Variants in ACSS3 observed in about 807,000 individuals in gnomAD.
The protein encoded by ACSS3 is acyl-CoA synthetase short-chain family member 3, mitochondrial.
ACSS3 carries 64 observed loss-of-function variants against 84.2 expected under a neutral mutation model. The ratio of observed to expected loss-of-function variants is 0.76; its 90% CI spans 0.62 to 0.94. The LOEUF is 0.94. ACSS3 is among the 40% of genes least tolerant of loss of function. The pLI is 0.00. For synonymous variants in ACSS3, 317 were observed against 310.1 expected, an observed-to-expected ratio of 1.02 and a Z score of -0.23; for missense variants, 815 against 867.6, an observed-to-expected ratio of 0.94 and a Z score of 0.76.
chr12:81,236,801 G>A (rs1418362099), intron 13 of ACSS3, among the ~76,000 whole-genome samples: 4 of 150,964 alleles, frequency 2.6e-5, no homozygotes, highest in Admixed American at 2.0e-4. Flanking sequence ...CATACCAAGA[G>A]TTTTTGCACA....
chr12:81,093,352 C>G (rs866700167), intron 1 of ACSS3, among the ~76,000 whole-genome samples: 4 of 151,760 alleles, frequency 2.6e-5, no homozygotes, highest in African/African-American at 9.7e-5. Context: ...ACTCAGGAGG[C>G]TGAGGCAGGA....
At chr12:81,167,081 A>G (rs775044223) in intron 7 of ACSS3, among the ~76,000 whole-genome samples, 28 of 152,380 alleles carry the variant, frequency 1.8e-4, no homozygotes, top group Non-Finnish European at 5.9e-5. Flanking sequence ...CTCTGTGACT[A>G]CTGAGAATGT....
At chr12:81,213,937 CT>C (rs2032773671) in intron 9 of ACSS3, among the ~76,000 whole-genome samples, 3 of 93,340 alleles carry the variant, frequency 3.2e-5, no homozygotes, top group Non-Finnish European at 6.7e-5. Context: ...TCCTTCCTTT[CT>C]CTCTCTCTCT....
intron 8 of ACSS3, among the ~76,000 whole-genome samples, chr12:81,175,686 T>G (rs1467666366): frequency 6.6e-6 from 1 of 152,092 alleles, no homozygotes; most frequent in East Asian, 1.9e-4. Context: ...AAATAGAGAT[T>G]AATATCAAGA....
Position 81,151,987 on chromosome 12 carries a change from A to G in ACSS3, c.1003-14A>G. 6.2e-7 allele frequency: 1 copy of G among 1,612,344 alleles called. No homozygotes were observed. Among genetic ancestry groups the G allele is most frequent in the African/African-American group, 1.3e-5 (1 of 75,002 alleles). On this transcript the variant is annotated splice_polypyrimidine_tract_variant and intron_variant, in intron 6 of 15. Coordinates refer to ENST00000548058, the MANE Select transcript of ACSS3 (RefSeq NM_024560.4). ...CTGAATAAAATATATTCATTTTATT[A>G]TCTTATTTTTTAGGTGTGGTGGGCA...
At chr12:81,134,793 C>T (rs1885699037) in intron 2 of ACSS3, 23 bp from the exon 3 acceptor site, 1 of 1,475,652 alleles carries the variant, frequency 6.8e-7, no homozygotes, top group African/African-American at 1.4e-5. Context: ...ATACACTTTA[C>T]TGATTTAATG....
intron 3 of ACSS3, among the ~76,000 whole-genome samples, chr12:81,135,343 A>T (rs937465300): frequency 1.5e-4 from 22 of 142,348 alleles, no homozygotes; most frequent in African/African-American, 5.8e-4. Flanking sequence ...ATAATATATT[A>T]TATATCACAT....
intron 1 of ACSS3, 87 bp from the exon 2 acceptor site, chr12:81,109,473 C>G: frequency 6.9e-7 from 1 of 1,459,604 alleles, no homozygotes; most frequent in South Asian, 1.4e-5. Context: ...AAGGCCAGCT[C>G]TATCAAACTA....
At chr12:81,247,994 T>C (rs867704835) in intron 13 of ACSS3, among the ~76,000 whole-genome samples, 18 of 152,094 alleles carry the variant, frequency 1.2e-4, no homozygotes, top group African/African-American at 3.9e-4. Flanking sequence ...TTTCCCTAAG[T>C]AAACATTTTA....
chr12:81,179,514 G>C (rs1012249951), intron 8 of ACSS3, among the ~76,000 whole-genome samples: 3 of 151,900 alleles, frequency 2.0e-5, no homozygotes, highest in African/African-American at 7.3e-5. Flanking sequence ...TTAAGAAATG[G>C]GCTCACGCTT....
intron 8 of ACSS3, among the ~76,000 whole-genome samples, chr12:81,176,592 A>G (rs766242899): frequency 6.6e-6 from 1 of 151,984 alleles, no homozygotes; most frequent in Non-Finnish European, 1.5e-5. Flanking sequence ...TAATAGTAAT[A>G]CAAAAATAAA....
chr12:81,149,509 C>A (rs1314214710), intron 5 of ACSS3, among the ~76,000 whole-genome samples: 2 of 152,044 alleles, frequency 1.3e-5, no homozygotes, highest in Admixed American at 6.5e-5. Context: ...CCATGCATTT[C>A]TTTTTTCTGC....
chr12:81,088,329 G>T (rs4287382), intron 1 of ACSS3, among the ~76,000 whole-genome samples: 1 of 151,974 alleles, frequency 6.6e-6, no homozygotes, highest in Non-Finnish European at 1.5e-5. Context: ...AATCGTTACC[G>T]TATGGCATAA....
intron 1 of ACSS3, among the ~76,000 whole-genome samples, chr12:81,092,935 G>A (rs573748523): frequency 6.6e-6 from 1 of 152,288 alleles, no homozygotes; most frequent in African/African-American, 2.4e-5. Context: ...TTAAAGTTAT[G>A]TCCAATGGTG....
intron 1 of ACSS3, among the ~76,000 whole-genome samples, chr12:81,108,828 T>G (rs7300521): frequency 0.72 from 109,562 of 152,080 alleles, 41,474 homozygotes; most frequent in Non-Finnish European, 0.85. Flanking sequence ...TACTAAAAAT[T>G]TGGCATATGT....
intron 1 of ACSS3, among the ~76,000 whole-genome samples, chr12:81,085,223 T>G (rs957149954): frequency 3.9e-5 from 6 of 152,326 alleles, no homozygotes; most frequent in Admixed American, 3.3e-4. Flanking sequence ...TACAAGTTAC[T>G]GAAAGAAACA....
At chr12:81,151,448 A>G (rs1302716213) in intron 5 of ACSS3, among the ~76,000 whole-genome samples, 1 of 152,182 alleles carries the variant, frequency 6.6e-6, no homozygotes, top group Non-Finnish European at 1.5e-5. Context: ...TCCTTATGTT[A>G]GTCTGCATTT....
In ACSS3 at chr12:81,113,166, A is replaced by G. The variant is rs533363842; in HGVS notation, c.456+3462A>G. Among the ~76,000 whole-genome samples, 13 of 152,288 alleles carry G rather than the reference A, an allele frequency of 8.5e-5. No homozygotes were observed. In the South Asian group the frequency reaches 2.7e-3, roughly 32 times the overall value. On this transcript the variant is annotated intron_variant, in intron 2 of 15. Coordinates refer to ENST00000548058, the MANE Select transcript of ACSS3 (RefSeq NM_024560.4). Reference sequence around the variant, plus strand: ...AAACATGTAAACAGGCAATTTCAATATAACCGAATAAGGGTCATGATAGGG... The same window carrying G: ...AAACATGTAAACAGGCAATTTCAATGTAACCGAATAAGGGTCATGATAGGG...
At chr12:81,196,396 T>C (rs2135887540) in intron 8 of ACSS3, among the ~76,000 whole-genome samples, 1 of 152,328 alleles carries the variant, frequency 6.6e-6, no homozygotes, top group Non-Finnish European at 1.5e-5. Context: ...GTAATTTTTA[T>C]ATTCATTGCA....
Sources: gnomAD v4.1 joint callset for allele counts (sites outside exome capture counted in the v4.1 genomes callset) on GRCh38, gnomAD v4.1.1 for gene constraint, MANE v1.5 for transcripts, NCBI Gene and HGNC (gene_info 2026-07-23, HGNC 2026-07-21) for gene names.